Variants in SP100 observed in about 807,000 individuals in gnomAD.
SP100 encodes the protein SP100 nuclear body protein.
SP100 carries 84 observed loss-of-function variants against 130.0 expected under a neutral mutation model. The ratio of observed to expected loss-of-function variants is 0.65; its 90% CI spans 0.54 to 0.77. The LOEUF (loss-of-function observed/expected upper bound fraction) is 0.77, where lower values mean the gene tolerates loss of function less well. Among genes scored for constraint, SP100 ranks in the 30% least tolerant of loss-of-function variants. The pLI is 0.00. For synonymous variants in SP100, 331 were observed against 351.7 expected (o/e 0.94, Z 0.66); for missense variants, 978 against 1,052.2 (o/e 0.93, Z 0.97).
intron 24 of SP100, among the ~76,000 whole-genome samples, chr2:230,521,269 A>G (rs2150096393): frequency 6.6e-6 from 1 of 152,198 alleles, no homozygotes; most frequent in Non-Finnish European, 1.5e-5. Context: ...TGAGCCCCCC[A>G]GTTTTGAAAT....
intron 23 of SP100, chr2:230,508,952 CACACACACACACACACAT>C (rs1690367320): frequency 1.6e-5 from 2 of 126,984 alleles, no homozygotes; most frequent in African/African-American, 7.2e-5. Context: ...CACACATACA[CACACACACACACACACAT>C]ACACACACAC....
intron 17 of SP100, among the ~76,000 whole-genome samples, chr2:230,485,452 A>G (rs1048163473): frequency 1.3e-5 from 2 of 152,182 alleles, no homozygotes; most frequent in Non-Finnish European, 2.9e-5. Context: ...TATCAATCAT[A>G]TTGATCCTGT....
intron 24 of SP100, chr2:230,514,894 C>T: frequency 1.3e-6 from 1 of 760,478 alleles, no homozygotes; most frequent in Non-Finnish European, 2.0e-6. Context: ...AGGGACATTA[C>T]TTAACACGAG....
At chr2:230,501,694 C>T (rs1461403823) in intron 19 of SP100, among the ~76,000 whole-genome samples, 2 of 152,160 alleles carry the variant, frequency 1.3e-5, no homozygotes, top group Non-Finnish European at 2.9e-5. Flanking sequence ...CCCAAATCCA[C>T]ACCCTATGAT....
Position 230,540,996 on chromosome 2 carries a change from G to T in SP100, c.2331G>T (p.Leu777Phe), listed in dbSNP as rs1185848549. 1.2e-6 allele frequency: 2 copies of T among 1,609,652 alleles called. No homozygotes were observed. The highest frequency in any genetic ancestry group is 2.7e-5 in the African/African-American group (2 of 74,748). ...LMRQMLPEEQ[L>F]KCEFLLLKVY... is the part of the protein sequence containing the mutation. Reference sequence around the variant, plus strand: ...GGCAGATGCTGCCTGAGGAGCAGTTGGTGAGTAAAAATGTGAACCTGAAGC... The same window carrying T: ...GGCAGATGCTGCCTGAGGAGCAGTTTGTGAGTAAAAATGTGAACCTGAAGC... The change falls in exon 26 of 29, where the codon TTG becomes TTT. Residue 777 changes from leucine to phenylalanine, a missense_variant and splice_region_variant. Physicochemically the swap from Leu to Phe is conservative, Grantham distance 22. Coordinates refer to ENST00000340126, the MANE Select transcript of SP100 (RefSeq NM_001080391.2).
chr2:230,510,147 T>A (rs1690468714), intron 23 of SP100: 1 of 152,568 alleles, frequency 6.6e-6, no homozygotes, highest in African/African-American at 2.4e-5. Context: ...CACTGAGTGG[T>A]TTGTCTAAGG....
At chr2:230,449,758 G>A in intron 7 of SP100, 48 bp downstream of exon 7, 1 of 1,602,842 alleles carries the variant, frequency 6.2e-7, no homozygotes, top group Non-Finnish European at 8.5e-7. Flanking sequence ...AAGGGGCCCT[G>A]GCTGGTGGCA....
At chr2:230,475,097 T>C (rs1240171982) in intron 17 of SP100, among the ~76,000 whole-genome samples, 1 of 152,156 alleles carries the variant, frequency 6.6e-6, no homozygotes, top group African/African-American at 2.4e-5. Flanking sequence ...TCTTTAAGTC[T>C]TTGAGGAATT....
At chr2:230,476,079 C>T (rs929480599) in intron 17 of SP100, among the ~76,000 whole-genome samples, 6 of 152,094 alleles carry the variant, frequency 3.9e-5, no homozygotes, top group Non-Finnish European at 7.4e-5. Flanking sequence ...TGAAAAATGA[C>T]GCTTTTATTT....
At chr2:230,487,555 T>C (rs1320099517) in intron 17 of SP100, among the ~76,000 whole-genome samples, 2 of 152,212 alleles carry the variant, frequency 1.3e-5, no homozygotes, top group Non-Finnish European at 2.9e-5. Context: ...ACCAGTACCA[T>C]GGGGGTGTTT....
intron 23 of SP100, chr2:230,508,921 A>G (rs1038737785): frequency 1.2e-4 from 3 of 24,996 alleles, no homozygotes; most frequent in African/African-American, 2.3e-4. Flanking sequence ...CCTCCACCAC[A>G]CACACACACA....
intron 17 of SP100, among the ~76,000 whole-genome samples, chr2:230,488,164 G>A (rs2066207690): frequency 6.6e-6 from 1 of 152,102 alleles, no homozygotes; most frequent in Admixed American, 6.6e-5. Context: ...CTCCCGATTT[G>A]AATAGTCTTT....
intron 8 of SP100, among the ~76,000 whole-genome samples, chr2:230,457,937 T>C (rs2064368335): frequency 6.6e-6 from 1 of 152,228 alleles, no homozygotes; most frequent in African/African-American, 2.4e-5. Context: ...CAGACTTTGT[T>C]CACAGCCTCT....
At chr2:230,501,661 T>A (rs1317826295) in intron 19 of SP100, among the ~76,000 whole-genome samples, 18 of 150,982 alleles carry the variant, frequency 1.2e-4, no homozygotes, top group Admixed American at 1.2e-3. Context: ...TCTGGAGGAG[T>A]TTTTCTCCTG....
Position 230,511,111 on chromosome 2 carries a change from G to A in SP100, c.2053-14G>A. 6.3e-7 allele frequency: 1 copy of A among 1,584,266 alleles called. No individual in the cohort carries two copies. The highest frequency in any genetic ancestry group is 8.7e-7 in the Non-Finnish European group (1 of 1,153,158). ...CACTCAATATTGTACCAATCTTTCT[G>A]TTTTTTTCAACAGAGAATACTGGAA... On this transcript the variant is annotated splice_polypyrimidine_tract_variant and intron_variant, in intron 23 of 28. Transcript: ENST00000340126.
chr2:230,481,919 A>G (rs1385951419), intron 17 of SP100, among the ~76,000 whole-genome samples: 1 of 152,188 alleles, frequency 6.6e-6, no homozygotes, highest in Non-Finnish European at 1.5e-5. Flanking sequence ...GTTTCAGCTC[A>G]GGTGTCTCCT....
At chr2:230,454,172 G>A (rs574002329) in intron 8 of SP100, among the ~76,000 whole-genome samples, 62 of 152,168 alleles carry the variant, frequency 4.1e-4, no homozygotes, top group Non-Finnish European at 7.5e-4. Flanking sequence ...TTATTCATTT[G>A]AGTGTTTTCT....
chr2:230,443,142 A>G, intron 3 of SP100, 43 bp downstream of exon 3: 1 of 1,594,340 alleles, frequency 6.3e-7, no homozygotes. Flanking sequence ...AAGCAGCCCC[A>G]AAATAAGTTA....
In SP100 at chr2:230,474,414, A is replaced by C. The variant is rs1437649372; in HGVS notation, c.1567A>C (p.Asn523His). The stretch of plus-strand genomic sequence containing the variant: ...TCTAGATACCATGGATGTTGAAAAC[A>C]ATTCTACTTTGGAAAAACACAGTGG... ...DMMDTMDVEN[N>H]STLEKHSGKR... The change falls in exon 17 of 29, where the codon AAT becomes CAT. Residue 523 changes from asparagine (N) to histidine (H), a missense_variant. Physicochemically the swap from Asn to His is moderately conservative, Grantham distance 68. Transcript: ENST00000340126. 1.3e-6 allele frequency: 2 copies of C among 1,541,088 alleles called. No homozygotes were observed. The highest frequency in any genetic ancestry group is 1.8e-6 in the Non-Finnish European group (2 of 1,119,690).
Sources: gnomAD v4.1 joint callset for allele counts (sites outside exome capture counted in the v4.1 genomes callset) on GRCh38, gnomAD v4.1.1 for gene constraint, MANE v1.5 for transcripts, NCBI Gene and HGNC (gene_info 2026-07-23, HGNC 2026-07-21) for gene names.